LRRC49: variants seen among roughly 807,000 people sequenced by gnomAD.
LRRC49 encodes the protein leucine-rich repeat-containing protein 49.
LRRC49 carries 50 observed loss-of-function variants against 83.3 expected under a neutral mutation model. The observed-to-expected ratio is 0.60, with a 90% CI of 0.48 to 0.76. LRRC49 has a LOEUF of 0.76. Among genes scored for constraint, LRRC49 ranks in the 30% least tolerant of loss-of-function variants. LRRC49 has a pLI of 0.00. For missense variants in LRRC49, 704 were observed against 809.1 expected (o/e 0.87, Z 1.58); for synonymous variants, 286 against 283.3 (o/e 1.01, Z -0.10).
intron 12 of LRRC49, 86 bp from the exon 13 acceptor site, chr15:71,009,721 G>C (rs1016983957): frequency 1.2e-6 from 1 of 844,556 alleles, no homozygotes; most frequent in African/African-American, 1.7e-5. Context: ...TATTTACCTG[G>C]GGAATGATTA....
chr15:70,988,876 T>A (rs535555930), intron 11 of LRRC49, among the ~76,000 whole-genome samples: 4,904 of 152,258 alleles, frequency 0.032, 114 homozygotes, highest in Middle Eastern at 0.071. Flanking sequence ...TAAAGTATTT[T>A]ATTTCTCCTT....
chr15:71,045,986 C>T (rs1370247005), intron 15 of LRRC49, among the ~76,000 whole-genome samples: 2 of 152,120 alleles, frequency 1.3e-5, no homozygotes, highest in African/African-American at 2.4e-5. Context: ...AAGATTATGG[C>T]CTCCAGTTCC....
At chr15:70,982,643 G>C (rs1183652543) in intron 10 of LRRC49, among the ~76,000 whole-genome samples, 1 of 152,062 alleles carries the variant, frequency 6.6e-6, no homozygotes, top group Non-Finnish European at 1.5e-5. Context: ...ATGGGGTCTT[G>C]CTGTGTTGCC....
chr15:70,918,544 G>A (rs1429646492), intron 6 of LRRC49: 1 of 152,124 alleles, frequency 6.6e-6, no homozygotes, highest in Non-Finnish European at 1.5e-5. Flanking sequence ...TCTTCTACTG[G>A]GAATCCTAGT....
intron 8 of LRRC49, among the ~76,000 whole-genome samples, chr15:70,952,305 T>C (rs2036247066): frequency 3.3e-5 from 5 of 151,992 alleles, no homozygotes; most frequent in Admixed American, 3.3e-4. Flanking sequence ...TCCCTCCTTC[T>C]CAATTTTTTG....
chr15:70,979,828 TCTC>T (rs2037336792), intron 9 of LRRC49, among the ~76,000 whole-genome samples: 1 of 152,114 alleles, frequency 6.6e-6, no homozygotes, highest in South Asian at 2.1e-4. Flanking sequence ...CAAACATACT[TCTC>T]CTTTTCTTCT....
At chr15:70,946,705 G>A (rs2036020592) in intron 8 of LRRC49, among the ~76,000 whole-genome samples, 1 of 152,030 alleles carries the variant, frequency 6.6e-6, no homozygotes, top group Admixed American at 6.6e-5. Context: ...TATATTGACA[G>A]CAACAATGTA....
intron 5 of LRRC49, among the ~76,000 whole-genome samples, chr15:70,911,203 G>C (rs779969775): frequency 6.6e-6 from 1 of 152,200 alleles, no homozygotes; most frequent in Non-Finnish European, 1.5e-5. Context: ...CAGCAGCCAG[G>C]TTAGTGCCTT....
chr15:70,872,616 G>C (rs1197067744), intron 1 of LRRC49, among the ~76,000 whole-genome samples: 1 of 152,100 alleles, frequency 6.6e-6, no homozygotes, highest in Non-Finnish European at 1.5e-5. Context: ...GTTGTGATAC[G>C]CTTTAGGGTT....
chr15:70,955,649 A>G (rs940003307), intron 8 of LRRC49, among the ~76,000 whole-genome samples: 5 of 152,216 alleles, frequency 3.3e-5, no homozygotes, highest in African/African-American at 1.2e-4. Flanking sequence ...ATGCCATCAC[A>G]GCATAAAGGT....
At chr15:70,860,809 A>G (rs1484900962) in intron 1 of LRRC49, among the ~76,000 whole-genome samples, 5 of 152,188 alleles carry the variant, frequency 3.3e-5, no homozygotes, top group Non-Finnish European at 7.3e-5. Flanking sequence ...CCAGTTTTAG[A>G]TGGCTATATG....
chr15:70,952,062 A>G (rs922009326), intron 8 of LRRC49, among the ~76,000 whole-genome samples: 1 of 152,160 alleles, frequency 6.6e-6, no homozygotes, highest in Non-Finnish European at 1.5e-5. Context: ...GTGGTGAATC[A>G]CATTTATTGA....
At chr15:70,984,045 C>A (rs2037499904) in intron 10 of LRRC49, 49 bp from the exon 11 acceptor site, 1 of 1,467,634 alleles carries the variant, frequency 6.8e-7, no homozygotes, top group Non-Finnish European at 9.5e-7. Context: ...GTCACTTCTG[C>A]TACAAAAATT....
chr15:70,872,259 G>A (rs1283916478), intron 1 of LRRC49, among the ~76,000 whole-genome samples: 1 of 152,210 alleles, frequency 6.6e-6, no homozygotes, highest in East Asian at 1.9e-4. Context: ...ATCAGGCGTG[G>A]CAGCACGCGC....
chr15:70,895,909 C>G lies in LRRC49; in HGVS notation c.166C>G (p.Leu56Val), dbSNP rs780001983. Residue 56 changes from leucine (L) to valine (V), a missense_variant, in exon 3 of 16, where the codon CTT (leucine) becomes GTT (valine). Leu to Val is a conservative substitution (Grantham distance 32). This residue lies in a region of LRRC49 where 261 missense variants were observed against 330.5 expected (regional missense o/e 0.79). Transcript: ENST00000260382. ...SFPGRLLQHD[L>V]ERNYSSRQGD... Reference sequence around the variant, plus strand: ...CCCCGGTAGACTTTTACAACATGACCTTGAAAGAAACTACTCAAGTAGGCA... The same window carrying G: ...CCCCGGTAGACTTTTACAACATGACGTTGAAAGAAACTACTCAAGTAGGCA... 1.7e-5 allele frequency: 27 copies of G among 1,609,064 alleles called. No individual in the cohort carries two copies. Among genetic ancestry groups the G allele is most frequent in the Middle Eastern group, 3.3e-4 (2 of 6,070 alleles).
At chr15:70,918,381 C>A (rs570876249) in intron 6 of LRRC49, 1 of 152,326 alleles carries the variant, frequency 6.6e-6, no homozygotes, top group Admixed American at 6.5e-5. Context: ...AAAAATGACA[C>A]CCCAAAGATC....
intron 5 of LRRC49, among the ~76,000 whole-genome samples, 174 bp from the exon 6 acceptor site, chr15:70,911,357 AT>A (rs1052834071): frequency 1.3e-5 from 2 of 151,902 alleles, no homozygotes; most frequent in Admixed American, 6.6e-5. Context: ...GTGGTATTGC[AT>A]TTTTTTTAAA....
chr15:71,030,777 C>A (rs985475768), intron 14 of LRRC49, among the ~76,000 whole-genome samples: 1 of 151,858 alleles, frequency 6.6e-6, no homozygotes. Flanking sequence ...GATCTTCAAT[C>A]TCTGATATCC....
chr15:70,892,147 G>T (rs1483386546), upstream of LRRC49: 3 of 1,613,248 alleles, frequency 1.9e-6, no homozygotes, highest in Non-Finnish European at 2.5e-6. Flanking sequence ...CGTACCAGTC[G>T]GCGCGGCAAC....
Sources: allele counts gnomAD v4.1 joint callset (sites outside exome capture counted in the v4.1 genomes callset), GRCh38; gene constraint gnomAD v4.1.1; regional missense constraint gnomAD v4.1.1; transcripts MANE v1.5; gene names NCBI Gene and HGNC (gene_info 2026-07-23, HGNC 2026-07-21).